The following COG5 variants were observed in gnomAD, a reference collection of about 807,000 sequenced individuals.
The protein encoded by COG5 is component of oligomeric golgi complex 5.
In COG5, 86 loss-of-function variants were observed where a neutral mutation model predicts 110.4. That is an observed-to-expected ratio of 0.78 (90% CI 0.65 to 0.93). The LOEUF (loss-of-function observed/expected upper bound fraction) is 0.93. Among genes scored for constraint, COG5 ranks in the 40% least tolerant of loss-of-function variants. The pLI is 0.00. For synonymous variants in COG5, 360 were observed against 334.6 expected, an observed-to-expected ratio of 1.08 and a Z score of -0.83; for missense variants, 1,077 against 987.0, an observed-to-expected ratio of 1.09 and a Z score of -1.22.
intron 7 of COG5, among the ~76,000 whole-genome samples, chr7:107,379,598 C>CAAAA (rs200972977): frequency 2.7e-5 from 2 of 73,124 alleles, no homozygotes; most frequent in African/African-American, 5.3e-5. Flanking sequence ...AAATGGAAAG[C>CAAAA]AAAAAAAAAA....
intron 10 of COG5, among the ~76,000 whole-genome samples, chr7:107,331,821 G>A (rs1810271588): frequency 1.3e-5 from 2 of 151,464 alleles, no homozygotes; most frequent in Admixed American, 1.3e-4. Flanking sequence ...CATCCAAGTG[G>A]AGATGACCCT....
chr7:107,306,642 C>T (rs1481173417), intron 11 of COG5, among the ~76,000 whole-genome samples: 1 of 152,124 alleles, frequency 6.6e-6, no homozygotes, highest in Non-Finnish European at 1.5e-5. Context: ...TTATGGAATC[C>T]AATACCAACT....
chr7:107,289,017 G>A (rs1805937047), intron 12 of COG5, among the ~76,000 whole-genome samples: 1 of 143,766 alleles, frequency 7.0e-6, no homozygotes, highest in African/African-American at 2.6e-5. Context: ...ATTGAGATGG[G>A]GTTTCCCTAT....
At chr7:107,500,184 G>A (rs1798550106) in intron 6 of COG5, among the ~76,000 whole-genome samples, 1 of 152,104 alleles carries the variant, frequency 6.6e-6, no homozygotes, top group Non-Finnish European at 1.5e-5. Context: ...GTAAGAGTTG[G>A]CATCCTGTCT....
chr7:107,218,224 A>AT (rs1262480132), intron 19 of COG5, among the ~76,000 whole-genome samples: 1 of 152,152 alleles, frequency 6.6e-6, no homozygotes, highest in Non-Finnish European at 1.5e-5. Context: ...ATGGAAAGCT[A>AT]TTCTGTGTTC....
At chr7:107,298,372 T>C (rs1371685333) in intron 11 of COG5, 26 bp from the exon 12 acceptor site, 12 of 1,571,662 alleles carry the variant, frequency 7.6e-6, no homozygotes, top group African/African-American at 1.4e-5. Context: ...AGAACATGAA[T>C]TAGAAAAATA....
chr7:107,309,682 G>A (rs1443038869), intron 11 of COG5, among the ~76,000 whole-genome samples: 1 of 152,174 alleles, frequency 6.6e-6, no homozygotes, highest in Non-Finnish European at 1.5e-5. Context: ...AAAGTCAAAT[G>A]AAAGAGTTGG....
chr7:107,429,916 T>C (rs2129079015), intron 6 of COG5, among the ~76,000 whole-genome samples: 1 of 152,300 alleles, frequency 6.6e-6, no homozygotes. Flanking sequence ...CACTCTTGGG[T>C]ATGTCTTTAT....
chr7:107,532,779 C>A (rs1461107263), intron 5 of COG5, among the ~76,000 whole-genome samples: 1 of 152,098 alleles, frequency 6.6e-6, no homozygotes, highest in Non-Finnish European at 1.5e-5. Flanking sequence ...ACAGAAAATA[C>A]CTGAGCAACA....
chr7:107,415,999 T>C (rs988386827), intron 6 of COG5, among the ~76,000 whole-genome samples: 2 of 144,084 alleles, frequency 1.4e-5, no homozygotes, highest in African/African-American at 5.0e-5. Flanking sequence ...TGTGTGTATA[T>C]ATACACACAC....
chr7:107,376,081 T>G (rs1020103530), intron 7 of COG5, among the ~76,000 whole-genome samples: 1 of 152,002 alleles, frequency 6.6e-6, no homozygotes, highest in Non-Finnish European at 1.5e-5. Context: ...TCACCCGCAC[T>G]CCCGAAAAGT....
At chr7:107,561,975 C>CAAAA (rs113097945) in intron 1 of COG5, among the ~76,000 whole-genome samples, 1 of 121,400 alleles carries the variant, frequency 8.2e-6, no homozygotes, top group East Asian at 2.3e-4. Flanking sequence ...GACTCCGTCT[C>CAAAA]AAAAAAAAAA....
At chr7:107,300,678 T>C (rs191105904) in intron 11 of COG5, among the ~76,000 whole-genome samples, 5 of 152,202 alleles carry the variant, frequency 3.3e-5, no homozygotes, top group Non-Finnish European at 5.9e-5. Flanking sequence ...AAGACCTATA[T>C]AAATGGAAAG....
intron 7 of COG5, among the ~76,000 whole-genome samples, chr7:107,381,548 C>T (rs1414152819): frequency 6.6e-6 from 1 of 152,118 alleles, no homozygotes; most frequent in Non-Finnish European, 1.5e-5. Context: ...GGACATTTTG[C>T]AATTCACAGA....
intron 12 of COG5, among the ~76,000 whole-genome samples, chr7:107,289,267 T>C (rs534299529): frequency 6.6e-6 from 1 of 152,256 alleles, no homozygotes; most frequent in Non-Finnish European, 1.5e-5. Context: ...GTCTAAAAGA[T>C]AATTCTTTCT....
intron 7 of COG5, among the ~76,000 whole-genome samples, chr7:107,401,423 T>G (rs1467102533): frequency 6.6e-6 from 1 of 152,192 alleles, no homozygotes; most frequent in Non-Finnish European, 1.5e-5. Flanking sequence ...TTATTATTTA[T>G]ACATGTCATA....
intron 13 of COG5, 53 bp downstream of exon 13, chr7:107,283,518 C>G (rs1805353712): frequency 2.7e-6 from 4 of 1,469,122 alleles, no homozygotes; most frequent in East Asian, 2.3e-5. Flanking sequence ...TCATATATCA[C>G]TAACAAATAT....
At chr7:107,270,834 T>C (rs2116716976) in intron 14 of COG5, among the ~76,000 whole-genome samples, 1 of 149,498 alleles carries the variant, frequency 6.7e-6, no homozygotes, top group Non-Finnish European at 1.5e-5. Flanking sequence ...AATGTTCCAT[T>C]TTTCTATACT....
intron 7 of COG5, among the ~76,000 whole-genome samples, chr7:107,382,516 A>G (rs1428782286): frequency 6.6e-6 from 1 of 152,064 alleles, no homozygotes; most frequent in Non-Finnish European, 1.5e-5. Flanking sequence ...ACTCACTGCA[A>G]TCTCTGCCTC....
Sources: allele counts gnomAD v4.1 joint callset (sites outside exome capture counted in the v4.1 genomes callset), GRCh38; gene constraint gnomAD v4.1.1; transcripts MANE v1.5; gene names NCBI Gene and HGNC (gene_info 2026-07-23, HGNC 2026-07-21).